The following FCHSD2 variants were observed in gnomAD, a reference collection of about 807,000 sequenced individuals.
FCHSD2 encodes FCH and double SH3 domains 2, also known as F-BAR and double SH3 domains protein 2.
In FCHSD2, 38 loss-of-function variants were observed where a neutral mutation model predicts 108.1. The observed-to-expected ratio is 0.35, with a 90% CI of 0.27 to 0.46. The LOEUF is 0.46. Among genes scored for constraint, FCHSD2 ranks in the 20% least tolerant of loss-of-function variants. FCHSD2 has a pLI of 1.00. For missense variants in FCHSD2, 751 were observed against 897.8 expected (o/e 0.84, Z 2.09); for synonymous variants, 279 against 314.7 (o/e 0.89, Z 1.20).
chr11:72,959,731 G>A (rs1856787011), intron 8 of FCHSD2, among the ~76,000 whole-genome samples: 1 of 152,158 alleles, frequency 6.6e-6, no homozygotes, highest in African/African-American at 2.4e-5. Flanking sequence ...AGGAGCAATA[G>A]AAGTATTTAA....
intron 5 of FCHSD2, among the ~76,000 whole-genome samples, chr11:72,996,087 A>T (rs1260324085): frequency 6.6e-6 from 1 of 152,194 alleles, no homozygotes; most frequent in Admixed American, 6.5e-5. Flanking sequence ...AAAAGGAGTA[A>T]GAGAATTAAG....
At chr11:73,075,146 G>A (rs1322910687) in intron 3 of FCHSD2, among the ~76,000 whole-genome samples, 1 of 152,034 alleles carries the variant, frequency 6.6e-6, no homozygotes, top group East Asian at 1.9e-4. Context: ...GAAAACCACA[G>A]ACAAAACCAA....
At chr11:73,092,309 G>GT (rs948699430) in intron 2 of FCHSD2, among the ~76,000 whole-genome samples, 1,615 of 144,010 alleles carry the variant, frequency 0.011, 19 homozygotes, top group African/African-American at 0.029. Context: ...TTAAGTTTTT[G>GT]TTTTTTTTTT....
intron 8 of FCHSD2, among the ~76,000 whole-genome samples, chr11:72,946,646 G>A (rs1247274720): frequency 6.6e-6 from 1 of 152,176 alleles, no homozygotes; most frequent in Non-Finnish European, 1.5e-5. Context: ...AGGTATTGTG[G>A]AAGTATCTAG....
At chr11:72,868,517 G>A (rs548061512) in intron 12 of FCHSD2, among the ~76,000 whole-genome samples, 1 of 151,878 alleles carries the variant, frequency 6.6e-6, no homozygotes, top group South Asian at 2.1e-4. Flanking sequence ...ACACGTATCC[G>A]GGAACTTAAA....
chr11:73,014,922 C>A lies in FCHSD2; in HGVS notation c.242+887G>T, dbSNP rs551549069. Among the ~76,000 whole-genome samples, 35 of 152,168 alleles carry A rather than the reference C, an allele frequency of 2.3e-4. No individual in the cohort carries two copies. The South Asian group carries it at 5.0e-3, about 22-fold the overall frequency. ...GCAGTGACATGATTTCGGCTCAATGCAACCTCTGCCTCCCAGGTTCAAGCA... is the reference window on the plus strand; with the variant it reads ...GCAGTGACATGATTTCGGCTCAATGAAACCTCTGCCTCCCAGGTTCAAGCA... On this transcript the variant is annotated intron_variant, in intron 4 of 19. Transcript: ENST00000409418.
intron 2 of FCHSD2, among the ~76,000 whole-genome samples, chr11:73,121,885 C>T (rs180859870): frequency 6.6e-6 from 1 of 152,200 alleles, no homozygotes; most frequent in Non-Finnish European, 1.5e-5. Context: ...TTAACAAGTT[C>T]CAGATGGTGT....
Position 72,887,572 on chromosome 11 carries a change from A to G in FCHSD2, c.1044T>C (p.Val348=). Residue 348 remains valine, a splice_region_variant and synonymous_variant, in exon 12 of 20, where the codon GTT becomes GTC. Transcript: ENST00000409418. ...EHKNIVHQQR[V]LNDLECHGAA... is the part of the protein sequence containing the mutation. ...CTCCATGACACTCCAGATCATTTAG[A>G]ACCTATTAAAGAAAATGGGACAATA... is the stretch of plus-strand genomic sequence containing the variant. The G allele has an allele frequency of 1.3e-6, 2 of 1,546,856 alleles. No individual in the cohort carries two copies. The highest frequency in any genetic ancestry group is 4.9e-5 in the East Asian group (2 of 40,462).
chr11:72,911,976 C>T (rs75428668), intron 9 of FCHSD2, among the ~76,000 whole-genome samples: 3,748 of 152,260 alleles, frequency 0.025, 150 homozygotes, highest in African/African-American at 0.086. Flanking sequence ...TATAGAAATG[C>T]TACTTATTTT....
At chr11:73,039,190 C>A (rs1301828240) in intron 3 of FCHSD2, among the ~76,000 whole-genome samples, 2 of 152,084 alleles carry the variant, frequency 1.3e-5, no homozygotes, top group Admixed American at 1.3e-4. Flanking sequence ...TAAGCAATTC[C>A]TTTAGGATTC....
Position 73,049,680 on chromosome 11 carries a change from A to G in FCHSD2, c.166-33795T>C, listed in dbSNP as rs1412716463. On this transcript the variant is annotated intron_variant, in intron 3 of 19. Coordinates refer to ENST00000409418, the MANE Select transcript of FCHSD2 (RefSeq NM_014824.3). Reference sequence around the variant, plus strand: ...GCACATGTACCCTAAAACTTAGAGTATAATAAAAAAAAAAAAAAAAAGAAA... The same window carrying G: ...GCACATGTACCCTAAAACTTAGAGTGTAATAAAAAAAAAAAAAAAAAGAAA... Among the ~76,000 whole-genome samples, 3 of 143,272 alleles carry G rather than the reference A, an allele frequency of 2.1e-5. No homozygotes were observed. The East Asian group carries it at 5.9e-4, about 28-fold the overall frequency. 94.0% of individuals were successfully genotyped at this position (143,272 alleles called of 152,430 possible). A position where few individuals can be genotyped will look rare whatever the true frequency, so the allele number is the denominator to read the frequency against.
intron 4 of FCHSD2, among the ~76,000 whole-genome samples, chr11:73,010,788 G>A (rs1211285383): frequency 1.3e-5 from 2 of 152,230 alleles, no homozygotes; most frequent in African/African-American, 4.8e-5. Context: ...GTGGTGAGTT[G>A]GCACTAGTAG....
chr11:72,879,628 C>G (rs1465669159), intron 12 of FCHSD2, among the ~76,000 whole-genome samples: 1 of 152,018 alleles, frequency 6.6e-6, no homozygotes, highest in African/African-American at 2.4e-5. Context: ...TAAAAATTCA[C>G]AAGATGGCCT....
At chr11:72,915,749 C>T (rs1297786204) in intron 9 of FCHSD2, among the ~76,000 whole-genome samples, 1 of 152,036 alleles carries the variant, frequency 6.6e-6, no homozygotes, top group African/African-American at 2.4e-5. Context: ...ACCTGGGAGG[C>T]AGAGGTTGCA....
chr11:73,002,685 T>A (rs1330104888), intron 4 of FCHSD2, among the ~76,000 whole-genome samples: 5 of 152,306 alleles, frequency 3.3e-5, no homozygotes, highest in African/African-American at 1.2e-4. Context: ...TCTCTCAGTG[T>A]AACACCCTCT....
intron 2 of FCHSD2, among the ~76,000 whole-genome samples, chr11:73,094,477 C>T (rs888946234): frequency 6.6e-6 from 1 of 152,176 alleles, no homozygotes; most frequent in Non-Finnish European, 1.5e-5. Flanking sequence ...TTTATACCAT[C>T]TTTAGTCATA....
At chr11:72,870,668 A>G (rs1057239892) in intron 12 of FCHSD2, among the ~76,000 whole-genome samples, 1 of 151,194 alleles carries the variant, frequency 6.6e-6, no homozygotes, top group African/African-American at 2.4e-5. Flanking sequence ...TGGGAAGCCG[A>G]GGGGGGCAGA....
At chr11:72,999,443 C>A (rs1197064210) in intron 5 of FCHSD2, among the ~76,000 whole-genome samples, 6 of 151,764 alleles carry the variant, frequency 4.0e-5, no homozygotes, top group Non-Finnish European at 8.8e-5. Flanking sequence ...TCTCAGCCTC[C>A]CGAGTAGCTG....
intron 2 of FCHSD2, among the ~76,000 whole-genome samples, chr11:73,096,987 A>ATTTTTTTTTTTTGTTTTTTTTTTTTTT (rs1860097789): frequency 3.7e-5 from 1 of 27,020 alleles, no homozygotes; most frequent in Non-Finnish European, 5.6e-5. Flanking sequence ...TCATTGATGG[A>ATTTTTTTTTTTTGTTTTTTTTTTTTTT]TTTTTTTTTT....
Sources: gnomAD v4.1 joint callset for allele counts (sites outside exome capture counted in the v4.1 genomes callset) on GRCh38, gnomAD v4.1.1 for gene constraint, MANE v1.5 for transcripts, NCBI Gene and HGNC (gene_info 2026-07-23, HGNC 2026-07-21) for gene names.